The following CTNNAL1 variants were observed in gnomAD, a reference collection of about 807,000 sequenced individuals.
CTNNAL1 encodes catenin alpha like 1.
CTNNAL1 carries 69 observed loss-of-function variants against 93.6 expected under a neutral mutation model. The observed-to-expected ratio is 0.74, with a 90% CI of 0.61 to 0.90. CTNNAL1 has a LOEUF of 0.90. CTNNAL1 is among the 40% of genes least tolerant of loss of function. The pLI, the probability that CTNNAL1 is intolerant of heterozygous loss-of-function variation, is 0.00. For missense variants in CTNNAL1, 836 were observed against 862.0 expected, an observed-to-expected ratio of 0.97 and a Z score of 0.38; for synonymous variants, 286 against 305.4, an observed-to-expected ratio of 0.94 and a Z score of 0.66.
intron 8 of CTNNAL1, among the ~76,000 whole-genome samples, chr9:108,974,279 T>C (rs1388380135): frequency 6.6e-6 from 1 of 152,234 alleles, no homozygotes; most frequent in African/African-American, 2.4e-5. Context: ...GGAGATCATC[T>C]TCTACTGACA....
chr9:108,979,445 GAAAAT>G lies in CTNNAL1; in HGVS notation c.932_936del (p.Tyr311SerfsTer22). 1 of 1,614,096 alleles carries G rather than the reference GAAAAT, an allele frequency of 6.2e-7. No individual in the cohort carries two copies. The highest frequency in any genetic ancestry group is 8.5e-7 in the Non-Finnish European group (1 of 1,179,998). On this transcript the variant is annotated frameshift_variant, in exon 7 of 19. Coordinates refer to ENST00000325551, the MANE Select transcript of CTNNAL1 (RefSeq NM_003798.4). LOFTEE classifies it high-confidence loss of function. ...GTCACAGAAAGGTTCTCTTTGGACTGAAAATAAAGATTCTCCCGAAGAGCTTCAAT... is the reference window on the plus strand; with the variant it reads ...GTCACAGAAAGGTTCTCTTTGGACTGAAAGATTCTCCCGAAGAGCTTCAAT...
Position 108,992,666 on chromosome 9 carries a change from A to C in CTNNAL1, c.485T>G (p.Val162Gly). Residue 162 changes from valine (V) to glycine (G), a missense_variant, in exon 3 of 19, where the codon GTA becomes GGA. By Grantham distance (109) the Val-to-Gly change is moderately radical (BLOSUM62 -3). Coordinates refer to ENST00000325551, the MANE Select transcript of CTNNAL1 (RefSeq NM_003798.4). The part of the protein sequence containing the change: ...VTKVLLLADR[V>G]VIKQIITSRN... The stretch of plus-strand genomic sequence containing the variant: ...TGATGTTATTATCTGTTTAATGACT[A>C]CTCGGTCTGCCAGCAACAACACTTT... 1.2e-6 allele frequency: 2 copies of C among 1,613,698 alleles called. No homozygotes were observed. The highest frequency in any genetic ancestry group is 1.7e-6 in the Non-Finnish European group (2 of 1,179,834).
At chr9:108,954,976 T>C (rs1392695934) in intron 12 of CTNNAL1, among the ~76,000 whole-genome samples, 1 of 152,082 alleles carries the variant, frequency 6.6e-6, no homozygotes, top group Non-Finnish European at 1.5e-5. Context: ...TTATTTTTTT[T>C]TTTTTTGAGA....
rs1826974804 is a variant in CTNNAL1 at position 109,005,050 on chromosome 9, C to T, written c.142-5794G>A. ...TGACACCAAATCCCACCTAATAGTC[C>T]TTCTTTTACTGGAGGTTTACAATCT... On this transcript the variant is annotated intron_variant, in intron 1 of 18. Coordinates refer to ENST00000325551, the MANE Select transcript of CTNNAL1 (RefSeq NM_003798.4). Among the ~76,000 whole-genome samples, 3 of 151,952 alleles carry T rather than the reference C, an allele frequency of 2.0e-5. No homozygotes were observed. The South Asian group carries it at 6.2e-4, about 32-fold the overall frequency.
chr9:108,946,063 G>A (rs1417966809), intron 15 of CTNNAL1, among the ~76,000 whole-genome samples: 1 of 152,128 alleles, frequency 6.6e-6, no homozygotes, highest in East Asian at 1.9e-4. Flanking sequence ...CACTTTGGGA[G>A]GCTGAGGCGG....
chr9:108,943,588 C>A, intron 17 of CTNNAL1, 115 bp downstream of exon 17: 1 of 756,124 alleles, frequency 1.3e-6, no homozygotes, highest in Admixed American at 3.1e-5. Flanking sequence ...GTAGACAAGG[C>A]ATGAAAAAAG....
chr9:108,972,861 T>TCCCCCC, intron 8 of CTNNAL1, 28 bp from the exon 9 acceptor site: 1 of 164,188 alleles, frequency 6.1e-6, no homozygotes, highest in Non-Finnish European at 7.9e-6. Flanking sequence ...GGTGGGGGGG[T>TCCCCCC]GGGAGGGTGG....
chr9:108,965,913 CA>C (rs1370693957), intron 10 of CTNNAL1, among the ~76,000 whole-genome samples: 1 of 152,080 alleles, frequency 6.6e-6, no homozygotes, highest in East Asian at 1.9e-4. Flanking sequence ...GTGGTAGTAG[CA>C]GTGGTAATAG....
At chr9:108,947,397 G>C (rs1177750911) in intron 15 of CTNNAL1, among the ~76,000 whole-genome samples, 1 of 152,166 alleles carries the variant, frequency 6.6e-6, no homozygotes, top group Non-Finnish European at 1.5e-5. Context: ...ACAGGCGTGA[G>C]CCACCGCGCC....
intron 14 of CTNNAL1, among the ~76,000 whole-genome samples, chr9:108,951,121 C>T (rs1403350248): frequency 6.6e-6 from 1 of 152,002 alleles, no homozygotes; most frequent in Non-Finnish European, 1.5e-5. Flanking sequence ...CGCCATTCTC[C>T]TGCCTCAGCC....
At chr9:108,970,963 G>C (rs1483531820) in intron 9 of CTNNAL1, among the ~76,000 whole-genome samples, 1 of 152,098 alleles carries the variant, frequency 6.6e-6, no homozygotes, top group Non-Finnish European at 1.5e-5. Context: ...GTATAATAAG[G>C]ACAGACCCTA....
At chr9:108,990,669 A>T in intron 4 of CTNNAL1, 57 bp downstream of exon 4, 1 of 1,557,394 alleles carries the variant, frequency 6.4e-7, no homozygotes, top group Non-Finnish European at 8.7e-7. Context: ...TCATACCTCC[A>T]TCCAAACTAA....
chr9:108,981,003 A>C (rs1831410920), intron 6 of CTNNAL1, among the ~76,000 whole-genome samples: 1 of 152,250 alleles, frequency 6.6e-6, no homozygotes, highest in Non-Finnish European at 1.5e-5. Flanking sequence ...AAAAAAAGCA[A>C]GATGCCAAAG....
At chr9:108,973,579 C>T (rs1275860875) in intron 8 of CTNNAL1, among the ~76,000 whole-genome samples, 1 of 151,680 alleles carries the variant, frequency 6.6e-6, no homozygotes, top group Non-Finnish European at 1.5e-5. Flanking sequence ...AAGGGTAACA[C>T]GAACCCCATG....
At chr9:108,981,651 G>T (rs776531097) in intron 6 of CTNNAL1, among the ~76,000 whole-genome samples, 1 of 152,158 alleles carries the variant, frequency 6.6e-6, no homozygotes, top group Non-Finnish European at 1.5e-5. Flanking sequence ...AGGGCCAGGC[G>T]TGGTGGTTCA....
chr9:108,991,469 T>C (rs779369258), intron 3 of CTNNAL1, among the ~76,000 whole-genome samples: 7 of 152,202 alleles, frequency 4.6e-5, no homozygotes, highest in African/African-American at 7.2e-5. Flanking sequence ...AGTAAATAGA[T>C]GTGAAACATA....
At chr9:109,012,177 G>T (rs1363577386) in intron 1 of CTNNAL1, among the ~76,000 whole-genome samples, 1 of 152,192 alleles carries the variant, frequency 6.6e-6, no homozygotes. Context: ...GGAATCCAGG[G>T]ACATGTGTAA....
rs540787606 is a variant in CTNNAL1 at position 108,957,905 on chromosome 9, G to C, written c.1592-2078C>G. Among the ~76,000 whole-genome samples, 102 of 152,056 alleles carry C rather than the reference G, an allele frequency of 6.7e-4. 3 individuals are homozygous for C. In the South Asian group the frequency reaches 0.021, roughly 31 times the overall value. On this transcript the variant is annotated intron_variant, in intron 11 of 18. Transcript: ENST00000325551. Reference sequence around the variant, plus strand: ...GGCTAAGGCAAGTGGATCACCCAAGGTCAGGAATTCAAGACCAGCCTGGCC... The same window carrying C: ...GGCTAAGGCAAGTGGATCACCCAAGCTCAGGAATTCAAGACCAGCCTGGCC...
intron 1 of CTNNAL1, among the ~76,000 whole-genome samples, chr9:109,007,476 A>C (rs1827067438): frequency 6.6e-6 from 1 of 152,194 alleles, no homozygotes; most frequent in African/African-American, 2.4e-5. Flanking sequence ...ACTAGTGGGC[A>C]GTAGAATAAT....
Sources: allele counts gnomAD v4.1 joint callset (sites outside exome capture counted in the v4.1 genomes callset), GRCh38; gene constraint gnomAD v4.1.1; transcripts MANE v1.5; gene names NCBI Gene and HGNC (gene_info 2026-07-23, HGNC 2026-07-21).